The following TOLLIP variants were observed in gnomAD, a reference collection of about 807,000 sequenced individuals.
TOLLIP encodes the protein toll interacting protein, also known as toll-interacting protein.
A neutral mutation model predicts 33.5 loss-of-function variants in TOLLIP; 16 were observed. The ratio of observed to expected loss-of-function variants is 0.48; its 90% confidence interval spans 0.32 to 0.72. The LOEUF (loss-of-function observed/expected upper bound fraction) is 0.72, where lower values mean the gene tolerates loss of function less well. Among genes scored for constraint, TOLLIP ranks in the 30% least tolerant of loss-of-function variants. The probability of loss-of-function intolerance (pLI) is 0.03; values close to 1 mark genes in which losing one functional copy is unlikely to be tolerated. For missense variants in TOLLIP, 325 were observed against 396.6 expected, an observed-to-expected ratio of 0.82 and a Z score of 1.53; for synonymous variants, 176 against 163.7, an observed-to-expected ratio of 1.07 and a Z score of -0.57.
chr11:1,276,993 C>A lies in TOLLIP; in HGVS notation c.*46G>T, dbSNP rs769583601. 1.9e-6 allele frequency: 3 copies of A among 1,599,194 alleles called. No homozygotes were observed. Among genetic ancestry groups the A allele is most frequent in the South Asian group, 2.2e-5 (2 of 90,000 alleles). On this transcript the variant is annotated 3_prime_UTR_variant, in exon 6 of 6. Coordinates refer to ENST00000317204, the MANE Select transcript of TOLLIP (RefSeq NM_019009.4). ...CAGCATTCCTTGGGGAGCGCCGGGT[C>A]GGCGTGTCCAAAGAGCGGGGGCAAA... is the stretch of plus-strand genomic sequence containing the variant.
chr11:1,309,247 G>A (rs1864519116), intron 1 of TOLLIP, among the ~76,000 whole-genome samples: 1 of 152,146 alleles, frequency 6.6e-6, no homozygotes, highest in African/African-American at 2.4e-5. Flanking sequence ...CGGCACGGCG[G>A]TGAGCTCAAG....
rs1358954380 is a variant in TOLLIP at position 1,277,576 on chromosome 11, G to A, written c.611-323C>T. Among the ~76,000 whole-genome samples the A allele has an allele frequency of 6.6e-6, 1 of 152,308 alleles. No individual in the cohort carries two copies. The highest frequency in any genetic ancestry group is 2.4e-5 in the African/African-American group (1 of 41,568). On this transcript the variant is annotated intron_variant, in intron 5 of 5. Transcript: ENST00000317204. This position sits in a 1 kb window ranked among gnomAD's most constrained non-coding sequence, Gnocchi z 4.2. ...TTATAACTAGCAGGCTGGGGGTGGT[G>A]TTTTGATCCCTTCAGAACTCGTGAA...
chr11:1,286,717 A>G (rs543436790), intron 4 of TOLLIP, among the ~76,000 whole-genome samples: 27 of 151,724 alleles, frequency 1.8e-4, no homozygotes, highest in Admixed American at 6.6e-5. Flanking sequence ...TCCACTGTGG[A>G]TAAGTCACTG....
intron 5 of TOLLIP, among the ~76,000 whole-genome samples, chr11:1,285,560 C>T (rs796854154): frequency 1.5e-4 from 23 of 152,302 alleles, no homozygotes; most frequent in African/African-American, 5.3e-4. Flanking sequence ...ACGCATCACC[C>T]AACAGGAGCG....
rs1396857610 is a variant in TOLLIP at position 1,304,035 on chromosome 11, A to T, written c.33+5431T>A. On this transcript the variant is annotated intron_variant, in intron 1 of 5. Coordinates refer to ENST00000317204, the MANE Select transcript of TOLLIP (RefSeq NM_019009.4). Reference sequence around the variant, plus strand: ...TGGGCTACAGAGCGAGCCTCCATGTAAAAAAAAAAAAAAAAAAAAAGACCT... The same window carrying T: ...TGGGCTACAGAGCGAGCCTCCATGTTAAAAAAAAAAAAAAAAAAAAGACCT... Among the ~76,000 whole-genome samples, 5 of 123,980 alleles carry T rather than the reference A, an allele frequency of 4.0e-5. No individual in the cohort carries two copies. The East Asian group carries it at 6.5e-4, about 16-fold the overall frequency. 81.3% of individuals were successfully genotyped at this position (123,980 alleles called of 152,430 possible).
At chr11:1,300,513 T>C (rs1009888667) in intron 1 of TOLLIP, among the ~76,000 whole-genome samples, 2 of 152,254 alleles carry the variant, frequency 1.3e-5, no homozygotes, top group African/African-American at 4.8e-5. Context: ...AATCCAAAGC[T>C]AATTTTTCTT....
At chr11:1,302,221 C>A (rs1252643589) in intron 1 of TOLLIP, among the ~76,000 whole-genome samples, 1 of 152,254 alleles carries the variant, frequency 6.6e-6, no homozygotes, top group Non-Finnish European at 1.5e-5. Context: ...CAGATCCGGG[C>A]GTGCAAGAGG....
In TOLLIP at chr11:1,276,717, C is replaced by G. The variant is rs182611353; in HGVS notation, c.*322G>C. ...GAAGGCGCTCCACCACCTCCAACACCCTGGCAGAAGCAGCTGCTCTCTACA... is the reference window on the plus strand; with the variant it reads ...GAAGGCGCTCCACCACCTCCAACACGCTGGCAGAAGCAGCTGCTCTCTACA... On this transcript the variant is annotated 3_prime_UTR_variant, in exon 6 of 6. Transcript: ENST00000317204. 6 of 1,436,108 alleles carry G rather than the reference C, an allele frequency of 4.2e-6. No individual in the cohort carries two copies. The highest frequency in any genetic ancestry group is 5.5e-6 in the Non-Finnish European group (6 of 1,083,032). The allele number at this position is 1,436,108 out of a possible 1,614,324, so 89.0% of individuals were successfully genotyped here.
At chr11:1,301,939 G>T (rs990679837) in intron 1 of TOLLIP, among the ~76,000 whole-genome samples, 1 of 152,240 alleles carries the variant, frequency 6.6e-6, no homozygotes, top group Non-Finnish European at 1.5e-5. Context: ...CTGCTAGGAA[G>T]GGAGCCCCAG....
intron 1 of TOLLIP, among the ~76,000 whole-genome samples, chr11:1,297,726 C>T (rs1015771868): frequency 4.3e-4 from 66 of 152,212 alleles, no homozygotes; most frequent in African/African-American, 1.5e-3. Context: ...CCTGCCCTTA[C>T]GGACAATCGA....
chr11:1,285,981 C>T (rs1319125750), intron 5 of TOLLIP, 21 bp downstream of exon 5: 9 of 1,574,604 alleles, frequency 5.7e-6, no homozygotes, highest in Non-Finnish European at 7.8e-6. Flanking sequence ...GGAGAGGCAC[C>T]CAGGGAGGGA....
At chr11:1,283,247 G>T in intron 5 of TOLLIP, 1 of 240,860 alleles carries the variant, frequency 4.2e-6, no homozygotes. Flanking sequence ...GCAAGGCCAC[G>T]TCAGCAGCCC....
chr11:1,300,138 G>A lies in TOLLIP; in HGVS notation c.34-4344C>T, dbSNP rs531426993. 9.6e-4 allele frequency among the ~76,000 whole-genome samples: 146 copies of A among 152,206 alleles called. 2 individuals carry two copies. The highest frequency in any genetic ancestry group is 3.3e-3 in the African/African-American group (138 of 41,532). The stretch of plus-strand genomic sequence containing the variant: ...ATTACTTTTAAAATAAAAAGGACAG[G>A]GTAGGGCTCTCATCCCACAGAGCTC... On this transcript the variant is annotated intron_variant, in intron 1 of 5. Coordinates refer to ENST00000317204, the MANE Select transcript of TOLLIP (RefSeq NM_019009.4).
chr11:1,302,681 T>A, intron 1 of TOLLIP: 1 of 986,700 alleles, frequency 1.0e-6, no homozygotes, highest in Non-Finnish European at 1.2e-6. Flanking sequence ...AGCCTCGGCC[T>A]CATGCTCCAC....
chr11:1,309,394 T>G (rs1217773705), intron 1 of TOLLIP, 72 bp downstream of exon 1: 4 of 872,882 alleles, frequency 4.6e-6, no homozygotes, highest in Non-Finnish European at 4.5e-6. Context: ...AGCTGAGCAG[T>G]AGCCCTGACC....
In TOLLIP at chr11:1,309,601, GGCC is replaced by G. The variant is rs1249199810; in HGVS notation, c.-106_-104del. The G allele has an allele frequency of 1.1e-4, 52 of 463,306 alleles. No individual in the cohort carries two copies. The highest frequency in any genetic ancestry group is 1.5e-4 in the South Asian group (2 of 13,082). The allele number at this position is 463,306 out of a possible 1,614,324, so 28.7% of individuals were successfully genotyped here. A position where few individuals can be genotyped will look rare whatever the true frequency, so the allele number is the denominator to read the frequency against. ...GCGACGGAGACAGTTGTCACCTCGA[GGCC>G]GCCGCCGCCACAGTCAGCTGACAGC... On this transcript the variant is annotated 5_prime_UTR_variant, in exon 1 of 6. Transcript: ENST00000317204.
intron 5 of TOLLIP, 97 bp downstream of exon 5, chr11:1,285,884 TCTAGAATGGATGACGTCCCCA>T: frequency 1.5e-6 from 1 of 680,720 alleles, no homozygotes. Flanking sequence ...TCTACAGGAT[TCTAGAATGGATGACGTCCCCA>T]CCCCGGCGCT....
At position 1,295,769 on chromosome 11, in the gene TOLLIP, T is replaced by A. The variant is rs1252115459; in HGVS notation, c.59A>T (p.Asp20Val). The change falls in exon 2 of 6, where the codon GAC becomes GTC. Residue 20 changes from aspartate (D) to valine (V), a missense_variant. Physicochemically the swap from Asp to Val is radical, Grantham distance 152. Transcript: ENST00000317204. ...CTGTGTGGGCGTGATGCGGAGGAAG[T>A]CCTGCGGGAGCTCACCGATGTACAC... ...GPVYIGELPQ[D>V]FLRITPTQQQ... 22 of 1,590,564 alleles carry A rather than the reference T, an allele frequency of 1.4e-5. No individual in the cohort carries two copies. The highest frequency in any genetic ancestry group is 1.9e-5 in the Non-Finnish European group (22 of 1,168,866).
chr11:1,287,465 GCCTCCCCGCCGCACCCTCCCCGCCGCAC>G (rs1564969550), intron 4 of TOLLIP, among the ~76,000 whole-genome samples: 7 of 5,290 alleles, frequency 1.3e-3, no homozygotes, highest in East Asian at 3.5e-3. Context: ...CCCCGCCGCA[GCCTCCCCGCCGCACCCTCCCCGCCGCAC>G]CCTCCCCGCC....
Sources: allele counts gnomAD v4.1 joint callset (sites outside exome capture counted in the v4.1 genomes callset), GRCh38; gene constraint gnomAD v4.1.1; non-coding constraint Gnocchi (gnomAD v3.1); transcripts MANE v1.5; gene names NCBI Gene and HGNC (gene_info 2026-07-23, HGNC 2026-07-21).